The following SPEN variants were observed in gnomAD, a reference collection of about 807,000 sequenced individuals.
SPEN encodes spen family transcriptional repressor, also known as msx2-interacting protein.
SPEN carries 18 observed loss-of-function variants against 269.9 expected under a neutral mutation model. The observed-to-expected ratio is 0.07, with a 90% confidence interval of 0.05 to 0.10. SPEN has a LOEUF of 0.10. Ranked by LOEUF, SPEN falls within the 10% of genes least tolerant of loss-of-function variation. The pLI, the probability that SPEN is intolerant of heterozygous loss-of-function variation, is 1.00. For missense variants in SPEN, 3,822 were observed against 4,631.2 expected, an observed-to-expected ratio of 0.83 and a Z score of 5.07; for synonymous variants, 1,726 against 1,765.7, an observed-to-expected ratio of 0.98 and a Z score of 0.56.
intron 1 of SPEN, among the ~76,000 whole-genome samples, chr1:15,866,317 G>T (rs1365484948): frequency 1.3e-5 from 2 of 152,088 alleles, no homozygotes; most frequent in African/African-American, 4.8e-5. Context: ...TTACTGAAAA[G>T]AGTGATTAAA....
chr1:15,887,974 G>A (rs1358806815), intron 3 of SPEN, among the ~76,000 whole-genome samples: 1 of 151,608 alleles, frequency 6.6e-6, no homozygotes, highest in African/African-American at 2.4e-5. Flanking sequence ...GTTGCAGTGA[G>A]CCAAGATTGC....
rs746739917 is a variant in SPEN, at chr1:15,929,402, G to A, written c.3162G>A (p.Leu1054=). 1 of 1,613,514 alleles carries A rather than the reference G, an allele frequency of 6.2e-7. No individual in the cohort carries two copies. The highest frequency in any genetic ancestry group is 1.7e-5 in the Admixed American group (1 of 59,892). ...AAAGAGAATCTAAAAAAATCAAACT[G>A]GACAGACTTAATACTGTTGCCAGCC... ...ILKRESKKIK[L]DRLNTVASPK... The change falls in exon 11 of 15, where the codon CTG becomes CTA. Residue 1054 remains leucine (L), a synonymous_variant. Transcript: ENST00000375759. This position sits in a 1 kb window ranked among gnomAD's most constrained non-coding sequence, Gnocchi z 5.8.
chr1:15,899,541 T>TG (rs1557748405), intron 3 of SPEN, among the ~76,000 whole-genome samples: 1 of 146,532 alleles, frequency 6.8e-6, no homozygotes, highest in Non-Finnish European at 1.5e-5. Flanking sequence ...GGCAGAGTTT[T>TG]TTTTTTTTTT....
rs1026414120 is a variant in SPEN at position 15,851,075 on chromosome 1, T to G, written c.83+2925T>G. 3.3e-5 allele frequency among the ~76,000 whole-genome samples: 5 copies of G among 152,078 alleles called. No individual in the cohort carries two copies. The East Asian group carries it at 9.6e-4, about 29-fold the overall frequency. On this transcript the variant is annotated intron_variant, in intron 1 of 14. Transcript: ENST00000375759. ...CAGCTTTGGGGACAGCTTAGAGACATTTTAACAGAAAAAAGAGGTCAGTCA... is the reference window on the plus strand; with the variant it reads ...CAGCTTTGGGGACAGCTTAGAGACAGTTTAACAGAAAAAAGAGGTCAGTCA...
chr1:15,870,156 C>A (rs2070558779), intron 1 of SPEN, among the ~76,000 whole-genome samples: 1 of 152,152 alleles, frequency 6.6e-6, no homozygotes. Flanking sequence ...AGGTGTGAGC[C>A]ACCATGCCCA....
chr1:15,865,566 G>T (rs1176132866), intron 1 of SPEN, among the ~76,000 whole-genome samples: 2 of 150,468 alleles, frequency 1.3e-5, no homozygotes, highest in African/African-American at 4.9e-5. Flanking sequence ...GGGACTACAG[G>T]CACGCACCGC....
Position 15,848,163 on chromosome 1 carries a change from A to G in SPEN, c.83+13A>G, listed in dbSNP as rs566066982. 2.5e-5 allele frequency: 36 copies of G among 1,452,962 alleles called. No individual in the cohort carries two copies. The East Asian group carries it at 9.2e-4, about 37-fold the overall frequency. The allele number at this position is 1,452,962 out of a possible 1,614,324, so 90.0% of individuals were successfully genotyped here. A position where few individuals can be genotyped will look rare whatever the true frequency, so the allele number is the denominator to read the frequency against. On this transcript the variant is annotated intron_variant, in intron 1 of 14. Transcript: ENST00000375759. This position sits in a 1 kb window ranked among gnomAD's most constrained non-coding sequence, Gnocchi z 5.1. The stretch of plus-strand genomic sequence containing the variant: ...AGCATTTCAAACGGTGAGTGACACG[A>G]GGCCCGCGGCCGCGCTCGCTCCTCG...
intron 10 of SPEN, among the ~76,000 whole-genome samples, chr1:15,926,315 G>A (rs2071166289): frequency 6.6e-6 from 1 of 151,720 alleles, no homozygotes; most frequent in African/African-American, 2.4e-5. Flanking sequence ...TAGGAGAATC[G>A]CTTGAACCCC....
chr1:15,868,651 G>T lies in SPEN; in HGVS notation c.84-4165G>T, dbSNP rs1387483082. On this transcript the variant is annotated intron_variant, in intron 1 of 14. Transcript: ENST00000375759. ...GGGTTTCACCATGTTAGCCAGGATG[G>T]TCTCGATCTCCTGACCTCGTGATCC... 4.6e-5 allele frequency among the ~76,000 whole-genome samples: 7 copies of T among 151,978 alleles called. No individual in the cohort carries two copies. In the East Asian group the frequency reaches 1.4e-3, roughly 30 times the overall value.
At chr1:15,892,019 T>G (rs1382651650) in intron 3 of SPEN, among the ~76,000 whole-genome samples, 1 of 102,060 alleles carries the variant, frequency 9.8e-6, no homozygotes, top group Admixed American at 1.3e-4. Flanking sequence ...TTACTTTTTT[T>G]TTTTTTTTTT....
chr1:15,851,978 G>A (rs1024000331), intron 1 of SPEN, among the ~76,000 whole-genome samples: 9 of 151,990 alleles, frequency 5.9e-5, no homozygotes, highest in African/African-American at 1.2e-4. Context: ...GCAAGACTCC[G>A]TCTGGGGAAA....
rs1215369183 is a variant in SPEN at position 15,904,452 on chromosome 1, C to CAAAAAAAA, written c.882-4851_882-4844dup. Among the ~76,000 whole-genome samples, 477 of 48,566 alleles carry CAAAAAAAA rather than the reference C, an allele frequency of 9.8e-3. 37 individuals carry two copies. The highest frequency in any genetic ancestry group is 0.024 in the African/African-American group (401 of 16,754). 31.9% of individuals were successfully genotyped at this position (48,566 alleles called of 152,430 possible). On this transcript the variant is annotated intron_variant, in intron 3 of 14. Transcript: ENST00000375759. ...GGGCAATAAGAGCGAAACTCCATCT[C>CAAAAAAAA]AAAAAAAAAAAAAAAAAAAAAAAAA...
chr1:15,864,249 A>G (rs987340898), intron 1 of SPEN, among the ~76,000 whole-genome samples: 13 of 151,578 alleles, frequency 8.6e-5, no homozygotes, highest in African/African-American at 3.2e-4. Flanking sequence ...GCTCACTGCA[A>G]CCTCCTCTTC....
rs775530341 is a variant in SPEN at position 15,920,962 on chromosome 1, A to G, written c.1728A>G (p.Lys576=). 6.2e-7 allele frequency: 1 copy of G among 1,607,550 alleles called. No homozygotes were observed. The highest frequency in any genetic ancestry group is 8.5e-7 in the Non-Finnish European group (1 of 1,175,206). Residue 576 remains lysine (K), a synonymous_variant, in exon 9 of 15, where the codon AAA becomes AAG. Coordinates refer to ENST00000375759, the MANE Select transcript of SPEN (RefSeq NM_015001.3). ...CTGTAAAAGAGACCAAAGGGAGGAAAATCGGTGGGAATAAAATTAAGGTGT... is the reference window on the plus strand; with the variant it reads ...CTGTAAAAGAGACCAAAGGGAGGAAGATCGGTGGGAATAAAATTAAGGTGT... The part of the protein sequence containing the change: ...QAAVKETKGR[K]IGGNKIKVDF...
chr1:15,872,737 A>G (rs560049847), intron 1 of SPEN, 79 bp from the exon 2 acceptor site: 14 of 1,254,424 alleles, frequency 1.1e-5, no homozygotes, highest in African/African-American at 8.9e-5. Context: ...ACATAACGCA[A>G]ATTGTCCAAA....
rs753144108 is a variant in SPEN, at chr1:15,916,188, A to G, written c.1304A>G (p.Lys435Arg). Reference sequence around the variant, plus strand: ...GAAAGGATAGATGAATTTCACCCCAAAGCAACAAGAACTCTCTTTATTGGC... The same window carrying G: ...GAAAGGATAGATGAATTTCACCCCAGAGCAACAAGAACTCTCTTTATTGGC... ...LDERIDEFHP[K>R]ATRTLFIGNL... The change falls in exon 6 of 15, where the codon AAA becomes AGA. Residue 435 changes from lysine (K) to arginine (R), a missense_variant. This residue lies in a region of SPEN where 230 missense variants were observed against 426.1 expected (regional missense o/e 0.54). Coordinates refer to ENST00000375759, the MANE Select transcript of SPEN (RefSeq NM_015001.3). 3.5e-5 allele frequency: 56 copies of G among 1,613,748 alleles called. No individual in the cohort carries two copies. Among genetic ancestry groups the G allele is most frequent in the South Asian group, 1.5e-4 (14 of 91,030 alleles).
intron 5 of SPEN, among the ~76,000 whole-genome samples, chr1:15,913,569 C>T (rs1004708153): frequency 6.6e-6 from 1 of 151,862 alleles, no homozygotes; most frequent in Non-Finnish European, 1.5e-5. Context: ...AGCGATCCTC[C>T]TGCCTTGGCC....
Position 15,929,654 on chromosome 1 carries a change from T to G in SPEN, c.3414T>G (p.Asp1138Glu). 1 of 1,614,154 alleles carries G rather than the reference T, an allele frequency of 6.2e-7. No individual in the cohort carries two copies. Among genetic ancestry groups the G allele is most frequent in the Non-Finnish European group, 8.5e-7 (1 of 1,180,022 alleles). ...GGAAAAACTATTGCAGTCTTCGTGA[T>G]GAAACACCTGAACGTAAATCAGGCC... ...DVRKNYCSLR[D>E]ETPERKSGQE... The change falls in exon 11 of 15, where the codon GAT becomes GAG. Residue 1138 changes from aspartate (D) to glutamate (E), a missense_variant. Asp to Glu is a conservative substitution (Grantham distance 45). Coordinates refer to ENST00000375759, the MANE Select transcript of SPEN (RefSeq NM_015001.3). This position sits in a 1 kb window ranked among gnomAD's most constrained non-coding sequence, Gnocchi z 5.8.
At chr1:15,896,483 A>T (rs1357986384) in intron 3 of SPEN, among the ~76,000 whole-genome samples, 4 of 152,130 alleles carry the variant, frequency 2.6e-5, no homozygotes, top group African/African-American at 4.8e-5. Flanking sequence ...GGATTGAGCC[A>T]CTATGCCCAG....
Sources: gnomAD v4.1 joint callset for allele counts (sites outside exome capture counted in the v4.1 genomes callset) on GRCh38, gnomAD v4.1.1 for gene constraint, gnomAD v4.1.1 regional missense constraint, Gnocchi (gnomAD v3.1) non-coding constraint, MANE v1.5 for transcripts, NCBI Gene and HGNC (gene_info 2026-07-23, HGNC 2026-07-21) for gene names.